UNC13B: variants seen among roughly 807,000 people sequenced by gnomAD.
UNC13B encodes protein unc-13 homolog B.
A neutral mutation model predicts 211.0 loss-of-function variants in UNC13B; 144 were observed. The ratio of observed to expected loss-of-function variants is 0.68; its 90% CI spans 0.60 to 0.78. UNC13B has a LOEUF of 0.78. Among genes scored for constraint, UNC13B ranks in the 30% least tolerant of loss-of-function variants. UNC13B has a pLI of 0.00. For missense variants in UNC13B, 1,777 were observed against 2,002.0 expected, an observed-to-expected ratio of 0.89 and a Z score of 2.14; for synonymous variants, 709 against 725.8, an observed-to-expected ratio of 0.98 and a Z score of 0.37.
intron 24 of UNC13B, among the ~76,000 whole-genome samples, chr9:35,386,938 A>T (rs1270336267): frequency 6.6e-6 from 1 of 152,280 alleles, no homozygotes; most frequent in South Asian, 2.1e-4. Context: ...ACTTACTTCT[A>T]GCTCCAATTA....
intron 1 of UNC13B, among the ~76,000 whole-genome samples, chr9:35,227,441 G>C (rs985104786): frequency 3.3e-5 from 5 of 151,966 alleles, no homozygotes; most frequent in Non-Finnish European, 5.9e-5. Context: ...CTGCATGTAT[G>C]GTCTTTGACC....
chr9:35,390,528 C>A, intron 25 of UNC13B, 101 bp from the exon 26 acceptor site: 1 of 1,318,144 alleles, frequency 7.6e-7, no homozygotes, highest in Non-Finnish European at 1.1e-6. Flanking sequence ...CATCTCCTCT[C>A]TCCAATATGA....
rs532026818 is a variant in UNC13B, at chr9:35,249,934, CTGTT to C, written c.468+6572_468+6575del. 2.2e-3 allele frequency among the ~76,000 whole-genome samples: 331 copies of C among 152,190 alleles called. 2 individuals carry two copies. The highest frequency in any genetic ancestry group is 7.6e-3 in the African/African-American group (314 of 41,526). ...ATCTTTCATCCTCTCTTCCACTGTG[CTGTT>C]TATCTTTTTAGCAGTTTTATTGAAA... On this transcript the variant is annotated intron_variant, in intron 6 of 39. Transcript: ENST00000635942.
At chr9:35,247,852 G>A (rs1405327216) in intron 6 of UNC13B, among the ~76,000 whole-genome samples, 1 of 152,130 alleles carries the variant, frequency 6.6e-6, no homozygotes, top group East Asian at 1.9e-4. Context: ...TTGGTATCAG[G>A]ATGATGCTGG....
intron 7 of UNC13B, among the ~76,000 whole-genome samples, chr9:35,260,383 A>G (rs575995787): frequency 6.6e-6 from 1 of 152,366 alleles, no homozygotes; most frequent in East Asian, 1.9e-4. Context: ...ACTGAAGCAT[A>G]AATAGATTGA....
chr9:35,400,432 A>G lies in UNC13B; in HGVS notation c.12473A>G (p.Gln4158Arg). 6.2e-7 allele frequency: 1 copy of G among 1,613,386 alleles called. No individual in the cohort carries two copies. The highest frequency in any genetic ancestry group is 8.5e-7 in the Non-Finnish European group (1 of 1,179,618). The change falls in exon 37 of 40, where the codon CAG becomes CGG. Residue 4158 changes from glutamine to arginine, a missense_variant. Gln to Arg is a conservative substitution (Grantham distance 43). Transcript: ENST00000635942. Reference protein sequence around the residue: ...DTLIKTFVRSQTTQGSGVDDP... With the variant: ...DTLIKTFVRSRTTQGSGVDDP... ...CTCATCAAGACCTTTGTGCGCTCGC[A>G]GACCACCCAAGGTAAGGCCCTGAGG...
At chr9:35,204,445 C>A (rs780910478) in intron 1 of UNC13B, among the ~76,000 whole-genome samples, 12 of 152,192 alleles carry the variant, frequency 7.9e-5, no homozygotes. Flanking sequence ...AACTTGCACA[C>A]TGTGCCTGGA....
Position 35,295,733 on chromosome 9 carries a change from T to C in UNC13B, c.564T>C (p.Asp188=), listed in dbSNP as rs150856360. Reference sequence around the variant, plus strand: ...CTGATAGTGCCGTCGATGACCGAGATAGTGACTATCGCAGTGAGACCAGCA... The same window carrying C: ...CTGATAGTGCCGTCGATGACCGAGACAGTGACTATCGCAGTGAGACCAGCA... ...EDPDSAVDDR[D]SDYRSETSNS... The change falls in exon 8 of 40, where the codon GAT becomes GAC. Residue 188 remains aspartate, a synonymous_variant. Transcript: ENST00000635942. 1.2e-4 allele frequency: 189 copies of C among 1,613,978 alleles called. No homozygotes were observed. Among genetic ancestry groups the C allele is most frequent in the Non-Finnish European group, 1.5e-4 (177 of 1,180,022 alleles).
At chr9:35,194,902 A>G (rs1822852482) in intron 1 of UNC13B, among the ~76,000 whole-genome samples, 1 of 152,158 alleles carries the variant, frequency 6.6e-6, no homozygotes, top group Non-Finnish European at 1.5e-5. Context: ...AGAAAGGAAA[A>G]CAGCTCTCTC....
At chr9:35,265,883 T>C (rs557277872) in intron 7 of UNC13B, among the ~76,000 whole-genome samples, 1 of 152,342 alleles carries the variant, frequency 6.6e-6, no homozygotes, top group Non-Finnish European at 1.5e-5. Context: ...TGGAGTGCAG[T>C]GACACGATCT....
At chr9:35,287,893 G>A (rs1828885702) in intron 7 of UNC13B, among the ~76,000 whole-genome samples, 1 of 151,530 alleles carries the variant, frequency 6.6e-6, no homozygotes, top group African/African-American at 2.4e-5. Flanking sequence ...AGATATCTCA[G>A]AGTCAATATA....
intron 1 of UNC13B, among the ~76,000 whole-genome samples, chr9:35,187,219 A>G (rs188881105): frequency 1.3e-5 from 2 of 152,312 alleles, no homozygotes; most frequent in South Asian, 4.2e-4. Context: ...GGATCTATGA[A>G]GTTTCTTGGT....
intron 1 of UNC13B, chr9:35,227,723 T>C (rs550902747): frequency 3.1e-6 from 1 of 324,426 alleles, no homozygotes; most frequent in African/African-American, 2.1e-5. Flanking sequence ...TCAGAAGATA[T>C]CTCACATGAA....
intron 1 of UNC13B, among the ~76,000 whole-genome samples, chr9:35,206,313 G>T (rs530427895): frequency 6.6e-6 from 1 of 152,248 alleles, no homozygotes; most frequent in African/African-American, 2.4e-5. Context: ...TGCAATTATT[G>T]TGTCTCTCTA....
chr9:35,402,552 G>A (rs938838816), intron 37 of UNC13B, among the ~76,000 whole-genome samples: 5 of 152,102 alleles, frequency 3.3e-5, no homozygotes, highest in Non-Finnish European at 5.9e-5. Context: ...AAAGTCCTGG[G>A]ATTACAGGTG....
At chr9:35,383,050 C>A (rs1834966390) in intron 21 of UNC13B, among the ~76,000 whole-genome samples, 1 of 152,180 alleles carries the variant, frequency 6.6e-6, no homozygotes, top group Non-Finnish European at 1.5e-5. Flanking sequence ...TGGGCTTGGC[C>A]AGAACCCCTC....
Position 35,306,392 on chromosome 9 carries a change from G to A in UNC13B, c.6988G>A (p.Asp2330Asn), listed in dbSNP as rs1829924632. ...TTTCCAGATGAATGAATTGCAAAAAGACATTATTCCTCCTTCACCAGAATT... is the reference window on the plus strand; with the variant it reads ...TTTCCAGATGAATGAATTGCAAAAAAACATTATTCCTCCTTCACCAGAATT... The part of the protein sequence containing the change: ...VDFQMNELQK[D>N]IIPPSPEFQA... Residue 2330 changes from aspartate to asparagine, a missense_variant, in exon 9 of 40, where the codon GAC (aspartate) becomes AAC (asparagine). Coordinates refer to ENST00000635942, the MANE Select transcript of UNC13B (RefSeq NM_001371189.2). The A allele has an allele frequency of 2.8e-5, 11 of 398,836 alleles. No homozygotes were observed. Among genetic ancestry groups the A allele is most frequent in the Non-Finnish European group, 4.0e-5 (9 of 226,068 alleles). The allele number at this position is 398,836 out of a possible 1,614,324, so 24.7% of individuals were successfully genotyped here.
intron 6 of UNC13B, among the ~76,000 whole-genome samples, chr9:35,249,998 A>G (rs1469648634): frequency 2.0e-5 from 3 of 152,204 alleles, no homozygotes; most frequent in Non-Finnish European, 4.4e-5. Context: ...TCACTCATCT[A>G]AAGCTTACAA....
intron 21 of UNC13B, 54 bp downstream of exon 21, chr9:35,382,561 G>GATT: frequency 7.4e-7 from 1 of 1,342,682 alleles, no homozygotes; most frequent in South Asian, 1.4e-5. Flanking sequence ...AATAAAGTTT[G>GATT]ATTTTTTTTT....
Sources: gnomAD v4.1 joint callset for allele counts (sites outside exome capture counted in the v4.1 genomes callset) on GRCh38, gnomAD v4.1.1 for gene constraint, MANE v1.5 for transcripts, NCBI Gene and HGNC (gene_info 2026-07-23, HGNC 2026-07-21) for gene names.